The following CSMD3 variants were observed in gnomAD, a reference collection of about 807,000 sequenced individuals.
The protein encoded by CSMD3 is CUB and Sushi multiple domains 3.
In CSMD3, 177 loss-of-function variants were observed where a neutral mutation model predicts 435.2. The observed-to-expected ratio is 0.41, with a 90% confidence interval of 0.36 to 0.46. CSMD3 has a LOEUF of 0.46. Among genes scored for constraint, CSMD3 ranks in the 20% least tolerant of loss-of-function variants. The pLI, the probability that CSMD3 is intolerant of heterozygous loss-of-function variation, is 0.34. For missense variants in CSMD3, 4,265 were observed against 4,504.6 expected (o/e 0.95, Z 1.52); for synonymous variants, 1,656 against 1,520.5 (o/e 1.09, Z -2.07).
intron 11 of CSMD3, among the ~76,000 whole-genome samples, chr8:112,834,398 A>G (rs926110032): frequency 6.6e-6 from 1 of 151,834 alleles, no homozygotes; most frequent in African/African-American, 2.4e-5. Context: ...AAACTTGTGC[A>G]TTAAAAAAAT....
chr8:113,302,755 G>A (rs1043800283), intron 2 of CSMD3, among the ~76,000 whole-genome samples: 4 of 145,470 alleles, frequency 2.7e-5, no homozygotes, highest in East Asian at 2.0e-4. Context: ...TTGATGGGAC[G>A]TATTTCAAAA....
intron 4 of CSMD3, among the ~76,000 whole-genome samples, chr8:113,156,031 AT>A (rs997803717): frequency 1.1e-4 from 17 of 151,324 alleles, no homozygotes; most frequent in African/African-American, 4.1e-4. Context: ...CATTTGCTCA[AT>A]TTTTTTTTCT....
At chr8:112,905,978 C>G (rs2082250586) in intron 10 of CSMD3, among the ~76,000 whole-genome samples, 1 of 151,310 alleles carries the variant, frequency 6.6e-6, no homozygotes, top group East Asian at 2.0e-4. Context: ...GAGATTCATG[C>G]TTTTAAAAGG....
chr8:112,642,436 T>C (rs916915657), intron 20 of CSMD3, among the ~76,000 whole-genome samples: 7 of 152,178 alleles, frequency 4.6e-5, no homozygotes, highest in African/African-American at 1.7e-4. Context: ...TACTGAACAA[T>C]TGTATGTGTT....
At chr8:112,720,550 T>G (rs773076410) in intron 13 of CSMD3, among the ~76,000 whole-genome samples, 1 of 152,150 alleles carries the variant, frequency 6.6e-6, no homozygotes, top group Non-Finnish European at 1.5e-5. Flanking sequence ...ATACGGACCC[T>G]ACATACATGC....
At chr8:112,848,801 A>G (rs2080401102) in intron 11 of CSMD3, among the ~76,000 whole-genome samples, 1 of 152,008 alleles carries the variant, frequency 6.6e-6, no homozygotes, top group Non-Finnish European at 1.5e-5. Flanking sequence ...CATTCTATCC[A>G]TGTCTTATTC....
At chr8:113,300,495 T>C (rs1220130190) in intron 2 of CSMD3, among the ~76,000 whole-genome samples, 1 of 152,192 alleles carries the variant, frequency 6.6e-6, no homozygotes, top group African/African-American at 2.4e-5. Context: ...CACCCTGAAG[T>C]ACTGTGCAGC....
chr8:112,237,198 A>T lies in CSMD3; in HGVS notation c.10619T>A (p.Leu3540Gln), dbSNP rs2129988249. Residue 3540 changes from leucine to glutamine, a missense_variant, in exon 67 of 71, where the codon CTA (leucine) becomes CAA (glutamine). This residue lies in a region of CSMD3 where 3,255 missense variants were observed against 3,380.2 expected (regional missense o/e 0.96). Transcript: ENST00000297405. The part of the protein sequence containing the change: ...ATLSNSNMEL[L>Q]LSGVYKSQEA... ...TGTTTTTATTGCGATACCTGAAAGT[A>T]GCAGCTCCATGTTGCTATTGCTCAG... 1 of 1,613,568 alleles carries T rather than the reference A, an allele frequency of 6.2e-7. No individual in the cohort carries two copies. The highest frequency in any genetic ancestry group is 8.5e-7 in the Non-Finnish European group (1 of 1,179,572).
intron 11 of CSMD3, among the ~76,000 whole-genome samples, chr8:112,836,958 T>C (rs2080043622): frequency 6.6e-6 from 1 of 151,868 alleles, no homozygotes; most frequent in Non-Finnish European, 1.5e-5. Context: ...TTAAACATCA[T>C]GCTATTCTAC....
chr8:113,254,985 T>C (rs946492646), intron 3 of CSMD3, among the ~76,000 whole-genome samples: 6 of 152,136 alleles, frequency 3.9e-5, no homozygotes, highest in African/African-American at 1.4e-4. Flanking sequence ...AATGAGTACT[T>C]AAAAAAGGTT....
intron 32 of CSMD3, among the ~76,000 whole-genome samples, chr8:112,413,032 T>C (rs1415672181): frequency 1.3e-5 from 2 of 152,162 alleles, no homozygotes; most frequent in African/African-American, 2.4e-5. Context: ...TAATCTCTAA[T>C]GGCAACATTC....
chr8:113,166,365 T>C (rs906838473), intron 4 of CSMD3, among the ~76,000 whole-genome samples: 6 of 152,026 alleles, frequency 3.9e-5, no homozygotes, highest in Non-Finnish European at 7.4e-5. Flanking sequence ...ATTAGCTTGA[T>C]GTGGTGGTGC....
intron 5 of CSMD3, among the ~76,000 whole-genome samples, chr8:113,023,656 C>T (rs1353390225): frequency 1.3e-5 from 2 of 152,074 alleles, no homozygotes; most frequent in African/African-American, 4.8e-5. Flanking sequence ...CCTTTCTTTA[C>T]ATTTATTGAT....
At chr8:112,985,666 C>T (rs974106563) in intron 6 of CSMD3, among the ~76,000 whole-genome samples, 4 of 152,066 alleles carry the variant, frequency 2.6e-5, no homozygotes, top group African/African-American at 9.7e-5. Flanking sequence ...CCCCATTGAT[C>T]ACATTACCTA....
chr8:112,920,976 T>G (rs1029141306), intron 10 of CSMD3, among the ~76,000 whole-genome samples: 1 of 144,650 alleles, frequency 6.9e-6, no homozygotes, highest in Middle Eastern at 3.5e-3. Flanking sequence ...TATATATATA[T>G]GTACACACAT....
At chr8:113,140,692 T>C (rs1469712733) in intron 4 of CSMD3, among the ~76,000 whole-genome samples, 1 of 151,012 alleles carries the variant, frequency 6.6e-6, no homozygotes, top group African/African-American at 2.4e-5. Context: ...AAGGGATGTT[T>C]TAAAAACACA....
chr8:112,653,214 T>C (rs1049666702), intron 18 of CSMD3, among the ~76,000 whole-genome samples: 1 of 151,744 alleles, frequency 6.6e-6, no homozygotes, highest in Non-Finnish European at 1.5e-5. Flanking sequence ...TTTTTCCTTA[T>C]TGCTTTATAG....
At chr8:113,271,028 G>T (rs1435495398) in intron 3 of CSMD3, among the ~76,000 whole-genome samples, 2 of 151,238 alleles carry the variant, frequency 1.3e-5, no homozygotes, top group African/African-American at 4.9e-5. Flanking sequence ...CCCTAGAGAT[G>T]TGTGGAACTT....
chr8:113,295,355 A>C (rs1588459550), intron 2 of CSMD3, among the ~76,000 whole-genome samples: 1 of 152,296 alleles, frequency 6.6e-6, no homozygotes, highest in South Asian at 2.1e-4. Flanking sequence ...CTTTCTACTA[A>C]TTTAACACTA....
Sources: gnomAD v4.1 joint callset for allele counts (sites outside exome capture counted in the v4.1 genomes callset) on GRCh38, gnomAD v4.1.1 for gene constraint, gnomAD v4.1.1 regional missense constraint, MANE v1.5 for transcripts, NCBI Gene and HGNC (gene_info 2026-07-23, HGNC 2026-07-21) for gene names.